The following PSPC1 variants were observed in gnomAD, a reference collection of about 807,000 sequenced individuals.
PSPC1 encodes paraspeckle component 1.
PSPC1 carries 14 observed loss-of-function variants against 51.6 expected under a neutral mutation model. That is an observed-to-expected ratio of 0.27 (90% CI 0.18 to 0.42). The LOEUF (loss-of-function observed/expected upper bound fraction) is 0.42, where lower values mean the gene tolerates loss of function less well. Ranked by LOEUF, PSPC1 falls within the 10% of genes least tolerant of loss-of-function variation. The probability of loss-of-function intolerance (pLI) is 1.00; values close to 1 mark genes in which losing one functional copy is unlikely to be tolerated. For synonymous variants in PSPC1, 193 were observed against 231.9 expected (o/e 0.83, Z 1.53); for missense variants, 406 against 701.1 (o/e 0.58, Z 4.75).
At chr13:19,757,906 T>G (rs907299434) in intron 3 of PSPC1, among the ~76,000 whole-genome samples, 1 of 152,124 alleles carries the variant, frequency 6.6e-6, no homozygotes, top group Non-Finnish European at 1.5e-5. Flanking sequence ...ATCTAGGGAA[T>G]GGGACTGTGA....
At chr13:19,776,301 CAAAAAAT>C (rs1722965413) in intron 1 of PSPC1, among the ~76,000 whole-genome samples, 1 of 151,810 alleles carries the variant, frequency 6.6e-6, no homozygotes, top group Non-Finnish European at 1.5e-5. Flanking sequence ...CTTGTCTCTA[CAAAAAAT>C]AAACAAAATT....
rs1199035641 is a variant in PSPC1 at position 19,739,166 on chromosome 13, A to G, written c.1052+2399T>C. Among the ~76,000 whole-genome samples, 4 of 152,280 alleles carry G rather than the reference A, an allele frequency of 2.6e-5. No homozygotes were observed. The East Asian group carries it at 7.7e-4, about 29-fold the overall frequency. ...ATTAGTATTATGATATCCAGTCAAC[A>G]CACTATTTTCCAGTTATTTAGGTTC... On this transcript the variant is annotated intron_variant, in intron 5 of 8. Transcript: ENST00000338910.
intron 5 of PSPC1, among the ~76,000 whole-genome samples, chr13:19,735,574 T>C (rs7994192): frequency 0.032 from 4,845 of 152,240 alleles, 89 homozygotes; most frequent in Middle Eastern, 0.075. Context: ...TCCAAATACA[T>C]TTCTCCCAAA....
At chr13:19,733,746 G>A (rs1293534461) in intron 5 of PSPC1, among the ~76,000 whole-genome samples, 2 of 146,920 alleles carry the variant, frequency 1.4e-5, no homozygotes, top group African/African-American at 2.5e-5. Context: ...CTGGGTGACA[G>A]AGCAAGGCTC....
intron 2 of PSPC1, among the ~76,000 whole-genome samples, chr13:19,762,402 T>C (rs1887681868): frequency 6.6e-6 from 1 of 151,286 alleles, no homozygotes; most frequent in African/African-American, 2.4e-5. Flanking sequence ...CTAAAAAAAA[T>C]AACAAAAATT....
Position 19,782,471 on chromosome 13 carries a change from T to C in PSPC1, c.287A>G (p.Glu96Gly). 6.2e-7 allele frequency: 1 copy of C among 1,612,100 alleles called. No individual in the cohort carries two copies. The highest frequency in any genetic ancestry group is 8.5e-7 in the Non-Finnish European group (1 of 1,179,170). ...VGNLPTDITE[E>G]DFKRLFERYG... is the part of the protein sequence containing the mutation. ...GCGTTCGAAGAGCCTCTTGAAGTCC[T>C]CCTCCGTGATGTCGGTGGGCAGATT... The change falls in exon 1 of 9, where the codon GAG (glutamate) becomes GGG (glycine). Residue 96 changes from glutamate to glycine, a missense_variant. Glu to Gly is a moderately conservative substitution (Grantham distance 98, BLOSUM62 -2). This residue lies in a region of PSPC1 where 180 missense variants were observed against 337.9 expected (regional missense o/e 0.53). Transcript: ENST00000338910. This position sits in a 1 kb window ranked among gnomAD's most constrained non-coding sequence, Gnocchi z 4.5.
intron 1 of PSPC1, among the ~76,000 whole-genome samples, chr13:19,775,320 C>A (rs965504490): frequency 5.9e-5 from 9 of 151,872 alleles, no homozygotes; most frequent in African/African-American, 1.9e-4. Flanking sequence ...CCACTACACT[C>A]ACGCCTGGGT....
intron 6 of PSPC1, among the ~76,000 whole-genome samples, chr13:19,716,031 AAAAT>A (rs1358432729): frequency 1.3e-5 from 2 of 152,174 alleles, no homozygotes; most frequent in Non-Finnish European, 2.9e-5. Flanking sequence ...TAAAAAATAA[AAAAT>A]AAAAAAATTA....
At chr13:19,671,907 C>T (rs749970414), downstream of PSPC1, 2 of 1,606,250 alleles carry the variant, frequency 1.2e-6, no homozygotes, top group East Asian at 2.2e-5. Flanking sequence ...GAGTTCTCTT[C>T]AGACCGATTC....
chr13:19,774,168 T>C (rs1888874631), intron 1 of PSPC1, among the ~76,000 whole-genome samples: 1 of 152,196 alleles, frequency 6.6e-6, no homozygotes. Context: ...AATTCAAAGT[T>C]GGTGTAGAAT....
chr13:19,775,139 C>T (rs985983022), intron 1 of PSPC1, among the ~76,000 whole-genome samples: 25 of 152,030 alleles, frequency 1.6e-4, no homozygotes, highest in African/African-American at 5.8e-4. Flanking sequence ...GAGTTCGAGA[C>T]CAGCCTAGCC....
intron 5 of PSPC1, among the ~76,000 whole-genome samples, chr13:19,734,924 G>A (rs1269666730): frequency 6.7e-6 from 1 of 149,604 alleles, no homozygotes; most frequent in Non-Finnish European, 1.5e-5. Flanking sequence ...GTTGCCGTGA[G>A]CCGAGATCAC....
At chr13:19,708,983 C>T (rs115163085) in intron 7 of PSPC1, among the ~76,000 whole-genome samples, 96 of 151,618 alleles carry the variant, frequency 6.3e-4, no homozygotes, top group African/African-American at 2.2e-3. Flanking sequence ...GGCAACAAAG[C>T]GAAATCCTGT....
At chr13:19,766,659 A>G (rs1462184602) in intron 2 of PSPC1, among the ~76,000 whole-genome samples, 1 of 151,794 alleles carries the variant, frequency 6.6e-6, no homozygotes, top group Non-Finnish European at 1.5e-5. Flanking sequence ...CCTGGGTGAG[A>G]GTAAGACCTT....
In PSPC1 at chr13:19,708,702, A is replaced by C. The variant is rs375918604; in HGVS notation, c.1216+840T>G. 7.9e-4 allele frequency among the ~76,000 whole-genome samples: 121 copies of C among 152,356 alleles called. 3 individuals are homozygous for C. The South Asian group carries it at 0.024, about 31-fold the overall frequency. ...ACAAACACTGAGTGCACTTCTGTGC[A>C]CAACACTGTAGGTTAAAGGAAAAAA... On this transcript the variant is annotated intron_variant, in intron 7 of 8. Transcript: ENST00000338910.
intron 6 of PSPC1, among the ~76,000 whole-genome samples, chr13:19,684,272 T>C (rs1877604255): frequency 6.6e-6 from 1 of 152,230 alleles, no homozygotes. Context: ...CATTGATCAC[T>C]GCATAATCAA....
intron 6 of PSPC1, among the ~76,000 whole-genome samples, chr13:19,695,312 A>G (rs563547867): frequency 6.6e-6 from 1 of 152,360 alleles, no homozygotes; most frequent in Non-Finnish European, 1.5e-5. Flanking sequence ...ACAGCAGAAC[A>G]TAAGTTAAGT....
At chr13:19,752,777 G>A (rs1425174470) in intron 3 of PSPC1, among the ~76,000 whole-genome samples, 3 of 151,842 alleles carry the variant, frequency 2.0e-5, no homozygotes, top group African/African-American at 4.8e-5. Context: ...TAGTAGAGAC[G>A]GGGTTTCACT....
rs368429025 is a variant in PSPC1 at position 19,730,488 on chromosome 13, C to T, written c.1053-144G>A. ...ACTGACCACGGCATCCTAAATTTACCTTCCTTCTATGTCACTCCAAGCCTT... is the reference window on the plus strand; with the variant it reads ...ACTGACCACGGCATCCTAAATTTACTTTCCTTCTATGTCACTCCAAGCCTT... On this transcript the variant is annotated intron_variant, in intron 5 of 8. Coordinates refer to ENST00000338910, the MANE Select transcript of PSPC1 (RefSeq NM_001354909.2). 4.4e-6 allele frequency: 3 copies of T among 684,840 alleles called. No homozygotes were observed. The East Asian group carries it at 7.6e-5, about 17-fold the overall frequency. 42.4% of individuals were successfully genotyped at this position (684,840 alleles called of 1,614,324 possible).
Sources: allele counts gnomAD v4.1 joint callset (sites outside exome capture counted in the v4.1 genomes callset), GRCh38; gene constraint gnomAD v4.1.1; regional missense constraint gnomAD v4.1.1; non-coding constraint Gnocchi (gnomAD v3.1); transcripts MANE v1.5; gene names NCBI Gene and HGNC (gene_info 2026-07-23, HGNC 2026-07-21).